The following HAPLN3 variants were observed in gnomAD, a reference collection of about 807,000 sequenced individuals.
HAPLN3 encodes extracellular link domain containing, 1.
HAPLN3 carries 28 observed loss-of-function variants against 28.1 expected under a neutral mutation model. The observed-to-expected ratio is 1.00, with a 90% CI of 0.74 to 1.37. HAPLN3 has a LOEUF of 1.37. Among genes scored for constraint, HAPLN3 ranks in the 40% most tolerant of loss-of-function variants. HAPLN3 has a pLI of 0.00. For missense variants in HAPLN3, 513 were observed against 504.6 expected (o/e 1.02, Z -0.16); for synonymous variants, 211 against 213.1 (o/e 0.99, Z 0.09).
rs933134321 is a variant in HAPLN3 at position 88,880,481 on chromosome 15, C to A, written c.493+876G>T. 7.9e-7 allele frequency: 1 copy of A among 1,261,062 alleles called. No homozygotes were observed. The highest frequency in any genetic ancestry group is 1.5e-5 in the African/African-American group (1 of 65,082). 78.1% of individuals were successfully genotyped at this position (1,261,062 alleles called of 1,614,324 possible). A position where few individuals can be genotyped will look rare whatever the true frequency, so the allele number is the denominator to read the frequency against. On this transcript the variant is annotated intron_variant, in intron 3 of 4. Transcript: ENST00000359595. The surrounding 1 kb of genome is among the most constrained non-coding windows in gnomAD (Gnocchi z 6.0). ...TTTTACACCTGAGAGGCCCAGGGCT[C>A]TAAGGGGGATGAGGCATTTACCCAC... is the stretch of plus-strand genomic sequence containing the variant.
intron 4 of HAPLN3, among the ~76,000 whole-genome samples, chr15:88,878,760 C>T (rs185161447): frequency 7.6e-4 from 116 of 152,356 alleles, no homozygotes; most frequent in Admixed American, 6.1e-3. Flanking sequence ...ATGAAGAAAC[C>T]AATGATTTAT....
chr15:88,895,081 C>T lies in HAPLN3; in HGVS notation c.-48+378G>A, dbSNP rs1345984461. 1.3e-5 allele frequency among the ~76,000 whole-genome samples: 2 copies of T among 152,244 alleles called. No homozygotes were observed. The highest frequency in any genetic ancestry group is 1.3e-4 in the Admixed American group (2 of 15,292). ...CCCAGGGGCAGGGCCTGGGGCGCCG[C>T]GGACGGCACTGGAGGCAGCCGACCC... On this transcript the variant is annotated intron_variant, in intron 1 of 4. Transcript: ENST00000359595. The surrounding 1 kb of genome is among the most constrained non-coding windows in gnomAD (Gnocchi z 5.5).
At chr15:88,885,058 T>G (rs1258749718) in intron 2 of HAPLN3, among the ~76,000 whole-genome samples, 1 of 152,256 alleles carries the variant, frequency 6.6e-6, no homozygotes, top group Non-Finnish European at 1.5e-5. Flanking sequence ...TGTGTTAATT[T>G]GTTACAGCTG....
intron 1 of HAPLN3, chr15:88,893,197 A>G: frequency 1.5e-6 from 1 of 674,902 alleles, no homozygotes; most frequent in East Asian, 2.7e-5. Context: ...GGGGTGGATC[A>G]CCTGAGGTCA....
chr15:88,878,144 C>T lies in HAPLN3; in HGVS notation c.909G>A (p.Trp303Ter), dbSNP rs779520510. Residue 303 changes from tryptophan to a stop codon, truncating the protein, a stop_gained, in exon 5 of 5, where the codon TGG becomes TGA. Coordinates refer to ENST00000359595, the MANE Select transcript of HAPLN3 (RefSeq NM_178232.4). LOFTEE classifies it low-confidence loss of function (END_TRUNC). ...CGCAGCGGTCCAGGCCATGGAACTTCCAGGCGGCAAAGAGCTGTCCCACCT... is the reference window on the plus strand; with the variant it reads ...CGCAGCGGTCCAGGCCATGGAACTTTCAGGCGGCAAAGAGCTGTCCCACCT... ...IAKVGQLFAAWKFHGLDRCDA... is the reference protein window; with the variant it reads ...IAKVGQLFAA 1 of 1,614,184 alleles carries T rather than the reference C, an allele frequency of 6.2e-7. No homozygotes were observed. The highest frequency in any genetic ancestry group is 1.3e-5 in the African/African-American group (1 of 75,076).
At position 88,878,212 on chromosome 15, in the gene HAPLN3, C is replaced by T. The variant is rs1188996999; in HGVS notation, c.841G>A (p.Glu281Lys). The T allele has an allele frequency of 6.2e-7, 1 of 1,613,980 alleles. No individual in the cohort carries two copies. Among genetic ancestry groups the T allele is most frequent in the Non-Finnish European group, 8.5e-7 (1 of 1,179,978 alleles). ...LEHPEKLTLT[E>K]AREACQEDDA... ...TCTTCCTGGCAGGCCTCCCTTGCCT[C>T]TGTCAGCGTCAGCTTCTCAGGGTGC... The change falls in exon 5 of 5, where the codon GAG becomes AAG. Residue 281 changes from glutamate to lysine, a missense_variant. Glu to Lys is a moderately conservative substitution (Grantham distance 56, BLOSUM62 1). Transcript: ENST00000359595.
rs769993490 is a variant in HAPLN3 at position 88,879,168 on chromosome 15, C to T, written c.595G>A (p.Glu199Lys). The change falls in exon 4 of 5, where the codon GAG (glutamate) becomes AAG (lysine). Residue 199 changes from glutamate (E) to lysine (K), a missense_variant. Coordinates refer to ENST00000359595, the MANE Select transcript of HAPLN3 (RefSeq NM_178232.4). The surrounding 1 kb of genome is among the most constrained non-coding windows in gnomAD (Gnocchi z 5.0). ...TCCTCCCAGGCCCGGAAGAGCTGCT[C>T]AAAGGAGGCCACCACCGCAGCCTGC... ...AEQAAVVASF[E>K]QLFRAWEEGL... The T allele has an allele frequency of 3.2e-5, 51 of 1,613,734 alleles. No individual in the cohort carries two copies. The Admixed American group carries it at 7.7e-4, about 24-fold the overall frequency.
chr15:88,882,066 C>A (rs1897720990), intron 2 of HAPLN3, among the ~76,000 whole-genome samples: 1 of 152,182 alleles, frequency 6.6e-6, no homozygotes, highest in Non-Finnish European at 1.5e-5. Context: ...CTTTGCCAGC[C>A]ACCATGAGCA....
At position 88,879,067 on chromosome 15, in the gene HAPLN3, G is replaced by A; in HGVS notation, c.696C>T (p.Pro232=). The part of the protein sequence containing the change: ...VQYPIMLPRQ[P]CGGPGLAPGV... ...CAGGTGCCAGGCCCGGGCCACCGCAGGGCTGCCGGGGCAACATGATGGGGT... is the reference window on the plus strand; with the variant it reads ...CAGGTGCCAGGCCCGGGCCACCGCAAGGCTGCCGGGGCAACATGATGGGGT... Residue 232 remains proline, a synonymous_variant, in exon 4 of 5, where the codon CCC becomes CCT. Coordinates refer to ENST00000359595, the MANE Select transcript of HAPLN3 (RefSeq NM_178232.4). This position sits in a 1 kb window ranked among gnomAD's most constrained non-coding sequence, Gnocchi z 5.0. 6.2e-7 allele frequency: 1 copy of A among 1,607,352 alleles called. No individual in the cohort carries two copies. Among genetic ancestry groups the A allele is most frequent in the Non-Finnish European group, 8.5e-7 (1 of 1,177,088 alleles).
At chr15:88,878,474 C>T (rs1258508823) in intron 4 of HAPLN3, among the ~76,000 whole-genome samples, 1 of 152,214 alleles carries the variant, frequency 6.6e-6, no homozygotes. Context: ...CTGCACTCCC[C>T]CACCACCCTT....
intron 1 of HAPLN3, among the ~76,000 whole-genome samples, chr15:88,890,048 A>G (rs1013376885): frequency 9.4e-5 from 14 of 149,134 alleles, no homozygotes; most frequent in Non-Finnish European, 1.8e-4. Flanking sequence ...GGAAGGAAGG[A>G]AGGAAAGGGA....
chr15:88,882,953 C>A (rs1897746906), intron 2 of HAPLN3, among the ~76,000 whole-genome samples: 1 of 152,132 alleles, frequency 6.6e-6, no homozygotes, highest in South Asian at 2.1e-4. Flanking sequence ...TGCAGTGAGT[C>A]ATGATCGCAC....
chr15:88,891,072 G>A (rs77063280), intron 1 of HAPLN3, among the ~76,000 whole-genome samples: 3,945 of 152,048 alleles, frequency 0.026, 170 homozygotes, highest in African/African-American at 0.087. Flanking sequence ...TAGAGACGGG[G>A]TTTCGCCATG....
In HAPLN3 at chr15:88,879,503, A is replaced by T. The variant is rs571726039; in HGVS notation, c.494-234T>A. The T allele has an allele frequency of 1.3e-6, 2 of 1,514,198 alleles. No homozygotes were observed. The highest frequency in any genetic ancestry group is 2.7e-5 in the African/African-American group (2 of 72,786). The allele number at this position is 1,514,198 out of a possible 1,614,324, so 93.8% of individuals were successfully genotyped here. A position where few individuals can be genotyped will look rare whatever the true frequency, so the allele number is the denominator to read the frequency against. On this transcript the variant is annotated intron_variant, in intron 3 of 4. Coordinates refer to ENST00000359595, the MANE Select transcript of HAPLN3 (RefSeq NM_178232.4). The surrounding 1 kb of genome is among the most constrained non-coding windows in gnomAD (Gnocchi z 5.0). Reference sequence around the variant, plus strand: ...CATCCATGAGTTAAGGTAATTAATTAGTCCATTAATGTCCCCAACAATGTC... The same window carrying T: ...CATCCATGAGTTAAGGTAATTAATTTGTCCATTAATGTCCCCAACAATGTC...
At chr15:88,891,827 T>C (rs1001712501) in intron 1 of HAPLN3, among the ~76,000 whole-genome samples, 1 of 152,138 alleles carries the variant, frequency 6.6e-6, no homozygotes, top group Non-Finnish European at 1.5e-5. Flanking sequence ...GAGCAAACCC[T>C]TGTAAGAGTT....
intron 1 of HAPLN3, among the ~76,000 whole-genome samples, chr15:88,889,724 A>C (rs1471336973): frequency 6.6e-6 from 1 of 152,214 alleles, no homozygotes; most frequent in Non-Finnish European, 1.5e-5. Context: ...ACTTCCCTGC[A>C]GGGGCTGAGT....
chr15:88,878,258 T>C lies in HAPLN3; in HGVS notation c.797-2A>G. ...GGTGCTCCAGGTAGTACACCCGCCCTGGGGGAAAGGGGGCGTGAGTGCCGT... is the reference window on the plus strand; with the variant it reads ...GGTGCTCCAGGTAGTACACCCGCCCCGGGGGAAAGGGGGCGTGAGTGCCGT... On this transcript the variant is annotated splice_acceptor_variant, in intron 4 of 4. Coordinates refer to ENST00000359595, the MANE Select transcript of HAPLN3 (RefSeq NM_178232.4). LOFTEE classifies it high-confidence loss of function. 1 of 1,608,972 alleles carries C rather than the reference T, an allele frequency of 6.2e-7. No individual in the cohort carries two copies. Among genetic ancestry groups the C allele is most frequent in the South Asian group, 1.1e-5 (1 of 90,298 alleles).
chr15:88,893,002 C>G (rs1386576534), intron 1 of HAPLN3: 2 of 1,534,928 alleles, frequency 1.3e-6, no homozygotes, highest in Admixed American at 2.0e-5. Context: ...CCCAAATCTT[C>G]TGGAGTCCTG....
In HAPLN3 at chr15:88,879,485, G is replaced by A. The variant is rs553465862; in HGVS notation, c.494-216C>T. 2,090 of 1,528,014 alleles carry A rather than the reference G, an allele frequency of 1.4e-3. 34 individuals carry two copies. In the South Asian group the frequency reaches 0.024, roughly 17 times the overall value. 94.7% of individuals were successfully genotyped at this position (1,528,014 alleles called of 1,614,324 possible). A position where few individuals can be genotyped will look rare whatever the true frequency, so the allele number is the denominator to read the frequency against. On this transcript the variant is annotated intron_variant, in intron 3 of 4. Coordinates refer to ENST00000359595, the MANE Select transcript of HAPLN3 (RefSeq NM_178232.4). This position sits in a 1 kb window ranked among gnomAD's most constrained non-coding sequence, Gnocchi z 5.0. ...ACAGCAGTACTCAGAAAACATCCATGAGTTAAGGTAATTAATTAGTCCATT... is the reference window on the plus strand; with the variant it reads ...ACAGCAGTACTCAGAAAACATCCATAAGTTAAGGTAATTAATTAGTCCATT...
Sources: allele counts gnomAD v4.1 joint callset (sites outside exome capture counted in the v4.1 genomes callset), GRCh38; gene constraint gnomAD v4.1.1; non-coding constraint Gnocchi (gnomAD v3.1); transcripts MANE v1.5; gene names NCBI Gene and HGNC (gene_info 2026-07-23, HGNC 2026-07-21).